The following SORL1 variants were observed in gnomAD, a reference collection of about 807,000 sequenced individuals.
SORL1 encodes sortilin-related receptor.
SORL1 carries 127 observed loss-of-function variants against 273.7 expected under a neutral mutation model. The observed-to-expected ratio is 0.46, with a 90% CI of 0.40 to 0.54. The LOEUF (loss-of-function observed/expected upper bound fraction) is 0.54, where lower values mean the gene tolerates loss of function less well. SORL1 is among the 20% of genes least tolerant of loss of function. The pLI is 0.00. For missense variants in SORL1, 2,494 were observed against 2,846.1 expected, an observed-to-expected ratio of 0.88 and a Z score of 2.81; for synonymous variants, 1,031 against 1,067.4, an observed-to-expected ratio of 0.97 and a Z score of 0.66.
chr11:121,626,103 A>T (rs543606607), intron 46 of SORL1: 3 of 152,306 alleles, frequency 2.0e-5, no homozygotes, highest in African/African-American at 7.2e-5. Flanking sequence ...GTCCTACAAA[A>T]ACCAGCCCAA....
chr11:121,604,818 A>G (rs1863444698), intron 33 of SORL1, among the ~76,000 whole-genome samples: 2 of 152,072 alleles, frequency 1.3e-5, no homozygotes, highest in African/African-American at 4.8e-5. Flanking sequence ...TTTCAACTAC[A>G]TTTTCTGAGA....
At chr11:121,475,216 G>C (rs956812188) in intron 2 of SORL1, among the ~76,000 whole-genome samples, 8 of 152,304 alleles carry the variant, frequency 5.3e-5, no homozygotes, top group Non-Finnish European at 1.0e-4. Context: ...GCAGTGAGCT[G>C]TGCTTGTGCC....
intron 22 of SORL1, 111 bp downstream of exon 22, chr11:121,567,224 A>T (rs1862768177): frequency 3.1e-6 from 3 of 965,800 alleles, no homozygotes; most frequent in Non-Finnish European, 3.0e-6. Context: ...GTTATTGGAA[A>T]AAGTCCAAGG....
chr11:121,528,422 G>T lies in SORL1; in HGVS notation c.1597-4042G>T, dbSNP rs567087140. ...TGCAGTGAGCTGTGATTGTGTCAGT[G>T]CACTCCAGCCTGGGTGACAGAGCAA... is the stretch of plus-strand genomic sequence containing the variant. On this transcript the variant is annotated intron_variant, in intron 11 of 47. Transcript: ENST00000260197. 3.3e-4 allele frequency among the ~76,000 whole-genome samples: 50 copies of T among 152,262 alleles called. 2 individuals are homozygous for T. The South Asian group carries it at 0.01, about 32-fold the overall frequency.
rs1469303621 is a variant in SORL1 at position 121,570,240 on chromosome 11, T to C, written c.3307T>C (p.Cys1103Arg). 1 of 1,613,652 alleles carries C rather than the reference T, an allele frequency of 6.2e-7. No individual in the cohort carries two copies. Among genetic ancestry groups the C allele is most frequent in the Non-Finnish European group, 8.5e-7 (1 of 1,179,704 alleles). Reference protein sequence around the residue: ...SIWWCDFDNDCGDMSDERNCP... With the variant: ...SIWWCDFDNDRGDMSDERNCP... ...TTGGTGGTGTGACTTTGACAACGAC[T>C]GTGGAGACATGAGCGATGAGAGAAA... The change falls in exon 23 of 48, where the codon TGT (cysteine) becomes CGT (arginine). Residue 1103 changes from cysteine (C) to arginine (R), a missense_variant. By Grantham distance (180) the Cys-to-Arg change is radical. Coordinates refer to ENST00000260197, the MANE Select transcript of SORL1 (RefSeq NM_003105.6).
intron 45 of SORL1, among the ~76,000 whole-genome samples, chr11:121,624,139 C>T (rs1863761540): frequency 1.3e-5 from 2 of 152,176 alleles, no homozygotes; most frequent in Admixed American, 6.5e-5. Context: ...CACCGGGTCC[C>T]TCCCACAGCA....
At position 121,583,527 on chromosome 11, in the gene SORL1, C is replaced by A. The variant is rs764949795; in HGVS notation, c.3650C>A (p.Ala1217Glu). The A allele has an allele frequency of 2.5e-6, 4 of 1,612,608 alleles. No individual in the cohort carries two copies. The African/African-American group carries it at 5.3e-5, about 22-fold the overall frequency. The change falls in exon 26 of 48, where the codon GCG becomes GAG. Residue 1217 changes from alanine (A) to glutamate (E), a missense_variant. Around this residue, in one of 3 missense-constraint regions of SORL1, gnomAD observed 1,609 missense variants for 1,816.4 expected, o/e 0.89. Transcript: ENST00000260197. ...GGGCACTGCATCCCCCAGCGGTGGG[C>A]GTGTGACGGGGATACGGACTGCCAG... ...RNGHCIPQRW[A>E]CDGDTDCQDG...
intron 44 of SORL1, 89 bp downstream of exon 44, chr11:121,621,327 CGTTT>C: frequency 1.6e-6 from 2 of 1,219,610 alleles, no homozygotes; most frequent in South Asian, 2.9e-5. Flanking sequence ...TTTCATTAGG[CGTTT>C]GTTTCACAGG....
intron 42 of SORL1, among the ~76,000 whole-genome samples, chr11:121,619,109 G>A (rs778760796): frequency 8.5e-5 from 13 of 152,180 alleles, no homozygotes; most frequent in Non-Finnish European, 1.0e-4. Flanking sequence ...ATGGAGGACT[G>A]ATAACTTGGC....
intron 3 of SORL1, among the ~76,000 whole-genome samples, chr11:121,480,385 ACTAATAACAC>A (rs991823732): frequency 6.6e-6 from 1 of 152,076 alleles, no homozygotes; most frequent in African/African-American, 2.4e-5. Context: ...TTTGCAGCAA[ACTAATAACAC>A]CTGGATTTCT....
intron 21 of SORL1, among the ~76,000 whole-genome samples, chr11:121,562,023 G>A (rs902667385): frequency 5.9e-5 from 9 of 152,114 alleles, no homozygotes; most frequent in African/African-American, 1.4e-4. Context: ...GAACTTGTTT[G>A]CTCTAACCTG....
chr11:121,467,390 G>GC (rs1371511139), intron 1 of SORL1, among the ~76,000 whole-genome samples: 1 of 152,016 alleles, frequency 6.6e-6, no homozygotes. Context: ...CAGACCTTTT[G>GC]CCCACTCTGA....
chr11:121,577,991 T>C (rs1033949481), intron 25 of SORL1, among the ~76,000 whole-genome samples: 18 of 152,124 alleles, frequency 1.2e-4, no homozygotes, highest in African/African-American at 4.1e-4. Flanking sequence ...CTGGGGGTGA[T>C]AGGCAGTGGG....
intron 2 of SORL1, among the ~76,000 whole-genome samples, chr11:121,474,886 A>G (rs1265489731): frequency 6.6e-6 from 1 of 152,238 alleles, no homozygotes; most frequent in African/African-American, 2.4e-5. Flanking sequence ...AATGTGGGGG[A>G]AGATAGATAA....
At chr11:121,498,875 CAA>C (rs5795273) in intron 6 of SORL1, among the ~76,000 whole-genome samples, 1 of 144,512 alleles carries the variant, frequency 6.9e-6, no homozygotes, top group Admixed American at 6.9e-5. Context: ...GACTCTGTCT[CAA>C]AAAAAAAAAA....
At chr11:121,557,044 C>T in intron 18 of SORL1, 1 of 491,418 alleles carries the variant, frequency 2.0e-6, no homozygotes, top group South Asian at 3.0e-5. Flanking sequence ...ATTGATACTG[C>T]TTTGTCCAGA....
In SORL1 at chr11:121,452,449, GCGCCCT is replaced by G; in HGVS notation, c.119_124del (p.Ala40_Leu42delinsVal). On this transcript the variant is annotated inframe_deletion, in exon 1 of 48. Transcript: ENST00000260197. The surrounding 1 kb of genome is among the most constrained non-coding windows in gnomAD (Gnocchi z 5.3). Reference sequence around the variant, plus strand: ...GACGCAGAGGCTGCACGGCGGCAGCGCGCCCTTGCCCCAGGACCGGGGCTTCCTCGT... The same window carrying G: ...GACGCAGAGGCTGCACGGCGGCAGCGTGCCCCAGGACCGGGGCTTCCTCGT... 1 of 1,510,166 alleles carries G rather than the reference GCGCCCT, an allele frequency of 6.6e-7. No individual in the cohort carries two copies. The highest frequency in any genetic ancestry group is 8.8e-7 in the Non-Finnish European group (1 of 1,131,132). The allele number at this position is 1,510,166 out of a possible 1,614,324, so 93.5% of individuals were successfully genotyped here.
At position 121,605,385 on chromosome 11, in the gene SORL1, AT is replaced by A. The variant is rs766332820; in HGVS notation, c.4779-8del. ...GCTGCTCCAGTGTGACAATATCTTT[AT>A]TTTTTTTTGGGCCAGGGTGGTTGGA... On this transcript the variant is annotated splice_polypyrimidine_tract_variant and intron_variant, in intron 34 of 47. Transcript: ENST00000260197. The A allele has an allele frequency of 1.8e-4, 279 of 1,571,220 alleles. No individual in the cohort carries two copies. The highest frequency in any genetic ancestry group is 5.4e-4 in the South Asian group (47 of 87,472).
At chr11:121,589,945 C>T (rs1401505389) in intron 29 of SORL1, 95 bp from the exon 30 acceptor site, 1 of 1,482,428 alleles carries the variant, frequency 6.7e-7, no homozygotes, top group African/African-American at 1.4e-5. Context: ...GTGGGTTGCC[C>T]TGGAACTTGG....
Sources: allele counts gnomAD v4.1 joint callset (sites outside exome capture counted in the v4.1 genomes callset), GRCh38; gene constraint gnomAD v4.1.1; regional missense constraint gnomAD v4.1.1; non-coding constraint Gnocchi (gnomAD v3.1); transcripts MANE v1.5; gene names NCBI Gene and HGNC (gene_info 2026-07-23, HGNC 2026-07-21).